CDC14A: variants seen among roughly 807,000 people sequenced by gnomAD.
CDC14A encodes the protein dual specificity protein phosphatase CDC14A.
Under a neutral mutation model 74.4 loss-of-function variants are expected in CDC14A, and 53 were observed. The ratio of observed to expected loss-of-function variants is 0.71; its 90% CI spans 0.57 to 0.89. The LOEUF (loss-of-function observed/expected upper bound fraction) is 0.89, where lower values mean the gene tolerates loss of function less well. CDC14A is among the 40% of genes least tolerant of loss of function. The probability of loss-of-function intolerance (pLI) is 0.00; values close to 1 mark genes in which losing one functional copy is unlikely to be tolerated. For synonymous variants in CDC14A, 247 were observed against 258.4 expected (o/e 0.96, Z 0.43); for missense variants, 646 against 713.7 (o/e 0.91, Z 1.08).
chr1:100,412,713 T>TATATATATATATATATATATATATAAA (rs1557732035), intron 4 of CDC14A, among the ~76,000 whole-genome samples: 3 of 102,266 alleles, frequency 2.9e-5, no homozygotes, highest in Non-Finnish European at 5.3e-5. Flanking sequence ...TATATATATA[T>TATATATATATATATATATATATATAAA]ATATATATAT....
At chr1:100,491,518 A>ATATCTC (rs1553196417) in intron 11 of CDC14A, among the ~76,000 whole-genome samples, 1 of 26,602 alleles carries the variant, frequency 3.8e-5, no homozygotes, top group African/African-American at 1.0e-4. Context: ...ATATATCTGC[A>ATATCTC]TCTCTCTCTC....
intron 8 of CDC14A, chr1:100,462,314 A>G: frequency 3.7e-6 from 1 of 272,182 alleles, no homozygotes. Context: ...TAAAGTCACC[A>G]TTCTAGGTCT....
intron 5 of CDC14A, among the ~76,000 whole-genome samples, chr1:100,427,797 C>G (rs1663132182): frequency 6.6e-6 from 1 of 152,078 alleles, no homozygotes; most frequent in Non-Finnish European, 1.5e-5. Context: ...AGTGTATAGT[C>G]TGTATACATG....
At chr1:100,491,572 A>ATATAT (rs1418515078) in intron 11 of CDC14A, among the ~76,000 whole-genome samples, 38 of 25,104 alleles carry the variant, frequency 1.5e-3, no homozygotes, top group East Asian at 5.3e-3. Context: ...ATATATATAT[A>ATATAT]TTTTTTTTTT....
intron 2 of CDC14A, among the ~76,000 whole-genome samples, chr1:100,372,027 G>GT (rs1277188667): frequency 7.9e-5 from 12 of 152,104 alleles, no homozygotes; most frequent in African/African-American, 2.9e-4. Flanking sequence ...GTCACACAAG[G>GT]TTTTTTGGTT....
chr1:100,423,056 A>G (rs974066417), intron 4 of CDC14A, among the ~76,000 whole-genome samples: 1 of 152,210 alleles, frequency 6.6e-6, no homozygotes, highest in Non-Finnish European at 1.5e-5. Flanking sequence ...CTCGTTTCTG[A>G]CTATAGAGGA....
At chr1:100,471,937 G>T (rs1374317112) in intron 10 of CDC14A, among the ~76,000 whole-genome samples, 5 of 152,116 alleles carry the variant, frequency 3.3e-5, no homozygotes, top group Admixed American at 6.5e-5. Flanking sequence ...AGTTAACAAA[G>T]ATATCTTAAG....
intron 11 of CDC14A, 81 bp downstream of exon 11, chr1:100,484,532 A>G: frequency 7.1e-7 from 1 of 1,401,360 alleles, no homozygotes; most frequent in South Asian, 2.0e-5. Context: ...ATAACATAGC[A>G]GTGTCTTTTC....
chr1:100,377,705 C>T (rs897179751), intron 3 of CDC14A, 84 bp downstream of exon 3: 2 of 957,012 alleles, frequency 2.1e-6, no homozygotes, highest in African/African-American at 1.6e-5. Context: ...GTGCACAAAA[C>T]ATTTAGTCAG....
chr1:100,420,384 G>T (rs1015229203), intron 4 of CDC14A, among the ~76,000 whole-genome samples: 3 of 151,634 alleles, frequency 2.0e-5, no homozygotes, highest in African/African-American at 4.8e-5. Flanking sequence ...TTTGGAGCAG[G>T]TATTAAGGAT....
rs61463263 is a variant in CDC14A, at chr1:100,420,120, GTTTTTTTTTTTTTTTT to G, written c.310-4092_310-4077del. Among the ~76,000 whole-genome samples, 3 of 48,204 alleles carry G rather than the reference GTTTTTTTTTTTTTTTT, an allele frequency of 6.2e-5. No individual in the cohort carries two copies. In the East Asian group the frequency reaches 1.7e-3, roughly 27 times the overall value. 31.6% of individuals were successfully genotyped at this position (48,204 alleles called of 152,430 possible). ...GTGTGTGTTATGCTTTGCTGAAAAG[GTTTTTTTTTTTTTTTT>G]TTTTTTTTTGGAGGAAAAATAGCAC... On this transcript the variant is annotated intron_variant, in intron 4 of 15. Transcript: ENST00000336454.
At chr1:100,456,092 G>A (rs762505578) in intron 8 of CDC14A, among the ~76,000 whole-genome samples, 1 of 152,150 alleles carries the variant, frequency 6.6e-6, no homozygotes, top group Non-Finnish European at 1.5e-5. Context: ...CCAGAGGAGG[G>A]CTCCTAAACA....
chr1:100,484,903 A>C, intron 11 of CDC14A: 1 of 979,018 alleles, frequency 1.0e-6, no homozygotes, highest in Non-Finnish European at 1.2e-6. Flanking sequence ...TCTACTGTAA[A>C]CAAACCACGG....
chr1:100,384,033 G>A (rs1656510528), intron 3 of CDC14A, among the ~76,000 whole-genome samples: 2 of 152,120 alleles, frequency 1.3e-5, no homozygotes, highest in South Asian at 2.1e-4. Context: ...TGTAGCCTGA[G>A]CTATTTGTTA....
intron 9 of CDC14A, among the ~76,000 whole-genome samples, chr1:100,466,935 ATTG>A (rs1667890908): frequency 6.6e-6 from 1 of 151,860 alleles, no homozygotes; most frequent in African/African-American, 2.4e-5. Flanking sequence ...TAGACACAAA[ATTG>A]TTGTTTTAGT....
intron 5 of CDC14A, among the ~76,000 whole-genome samples, chr1:100,428,379 AG>A (rs1663206574): frequency 6.6e-6 from 1 of 152,180 alleles, no homozygotes; most frequent in Non-Finnish European, 1.5e-5. Context: ...GGTGAAAATC[AG>A]GGGAAAGGGG....
At chr1:100,350,080 T>C (rs974547344), upstream of CDC14A, among the ~76,000 whole-genome samples, 1 of 152,170 alleles carries the variant, frequency 6.6e-6, no homozygotes, top group African/African-American at 2.4e-5. Flanking sequence ...GCCTCCCTAG[T>C]AGCTGGGATT....
At chr1:100,458,689 ATT>A (rs397793689) in intron 8 of CDC14A, among the ~76,000 whole-genome samples, 11 of 145,628 alleles carry the variant, frequency 7.6e-5, no homozygotes, top group Non-Finnish European at 7.6e-5. Flanking sequence ...CGTCTTGGTA[ATT>A]TTTTTTTTTT....
intron 15 of CDC14A, 42 bp downstream of exon 15, chr1:100,499,304 A>G: frequency 1.9e-6 from 3 of 1,614,186 alleles, no homozygotes; most frequent in Non-Finnish European, 1.7e-6. Flanking sequence ...AGAACCCTGA[A>G]TGCAACTTCT....
Sources: allele counts gnomAD v4.1 joint callset (sites outside exome capture counted in the v4.1 genomes callset), GRCh38; gene constraint gnomAD v4.1.1; transcripts MANE v1.5; gene names NCBI Gene and HGNC (gene_info 2026-07-23, HGNC 2026-07-21).